The following SOX6 variants were observed in gnomAD, a reference collection of about 807,000 sequenced individuals.
SOX6 encodes the protein SRY-box transcription factor 6.
In SOX6, 11 loss-of-function variants were observed where a neutral mutation model predicts 97.8. That is an observed-to-expected ratio of 0.11 (90% CI 0.07 to 0.19). The LOEUF (loss-of-function observed/expected upper bound fraction) is 0.19. Ranked by LOEUF, SOX6 falls within the 10% of genes least tolerant of loss-of-function variation. The pLI is 1.00. For missense variants in SOX6, 810 were observed against 1,039.5 expected (o/e 0.78, Z 3.04); for synonymous variants, 360 against 371.4 (o/e 0.97, Z 0.35).
Position 16,055,889 on chromosome 11 carries a change from C to A in SOX6, c.1114G>T (p.Ala372Ser), listed in dbSNP as rs143154836. 9 of 1,613,364 alleles carry A rather than the reference C, an allele frequency of 5.6e-6. No homozygotes were observed. The highest frequency in any genetic ancestry group is 1.7e-5 in the Admixed American group (1 of 59,882). Residue 372 changes from alanine to serine, a missense_variant, in exon 10 of 16, where the codon GCT (alanine) becomes TCT (serine). By Grantham distance (99) the Ala-to-Ser change is moderately conservative (BLOSUM62 1). Around this residue, in one of 9 missense-constraint regions of SOX6, gnomAD observed 244 missense variants for 261.0 expected, o/e 0.93. Coordinates refer to ENST00000683767, the MANE Select transcript of SOX6 (RefSeq NM_001367873.1). ...GACACCTGCATGCTGGCCAGCTGAGCGGCATAGAGCTGCTGCAAAACAGGG... is the reference window on the plus strand; with the variant it reads ...GACACCTGCATGCTGGCCAGCTGAGAGGCATAGAGCTGCTGCAAAACAGGG... ...NHKQIEQLYA[A>S]QLASMQVSPG...
chr11:16,235,399 T>G (rs566809678), intron 3 of SOX6, among the ~76,000 whole-genome samples: 3 of 152,094 alleles, frequency 2.0e-5, no homozygotes, highest in Non-Finnish European at 4.4e-5. Context: ...ATCCAAACTT[T>G]AGAATGTCTT....
At chr11:16,634,685 TC>T (rs1166187349) in intron 3 of SOX6, among the ~76,000 whole-genome samples, 1 of 152,238 alleles carries the variant, frequency 6.6e-6, no homozygotes. Flanking sequence ...ATCTAACTTT[TC>T]AAATTATTTT....
At chr11:16,336,329 A>G (rs541448541) in intron 2 of SOX6, among the ~76,000 whole-genome samples, 1 of 151,686 alleles carries the variant, frequency 6.6e-6, no homozygotes, top group South Asian at 2.1e-4. Flanking sequence ...GAGCATTTCT[A>G]CTCGCTTCCC....
intron 3 of SOX6, among the ~76,000 whole-genome samples, chr11:16,619,039 A>G (rs957442829): frequency 4.6e-5 from 7 of 152,058 alleles, no homozygotes; most frequent in African/African-American, 1.4e-4. Flanking sequence ...TGTTAGTCTC[A>G]GTAAGCCAGG....
At chr11:16,186,060 A>G (rs1415892377) in intron 5 of SOX6, among the ~76,000 whole-genome samples, 1 of 152,190 alleles carries the variant, frequency 6.6e-6, no homozygotes, top group African/African-American at 2.4e-5. Flanking sequence ...CTCTTATGAG[A>G]CAAGAAAAAA....
chr11:15,993,611 C>A (rs533234070), intron 13 of SOX6, among the ~76,000 whole-genome samples: 2 of 152,268 alleles, frequency 1.3e-5, no homozygotes, highest in South Asian at 4.1e-4. Flanking sequence ...AAGCAAGGTC[C>A]CGTATGCCAG....
Position 16,627,745 on chromosome 11 carries a change from GCTGT to G in SOX6, n.430-15489_430-15486del, listed in dbSNP as rs202171518. ...GCAAATATTTTCTCCCATTCTGTGG[GCTGT>G]CTGTTTACTCTGTTGATAGTTTATT... On this transcript the variant is annotated intron_variant and non_coding_transcript_variant, in intron 3 of 5. Coordinates refer to the SOX6 transcript ENST00000524520. Among the ~76,000 whole-genome samples the G allele has an allele frequency of 5.4e-3, 815 of 152,294 alleles. 7 individuals are homozygous for G. The highest frequency in any genetic ancestry group is 0.019 in the African/African-American group (773 of 41,574).
chr11:16,106,015 T>C (rs956934777), intron 7 of SOX6, among the ~76,000 whole-genome samples: 1 of 152,142 alleles, frequency 6.6e-6, no homozygotes, highest in South Asian at 2.1e-4. Context: ...AAGACTTGTA[T>C]GTTGAAAACT....
chr11:16,125,037 T>C (rs1849575088), intron 6 of SOX6, among the ~76,000 whole-genome samples: 2 of 152,074 alleles, frequency 1.3e-5, no homozygotes, highest in Non-Finnish European at 2.9e-5. Context: ...GCTACTAGGA[T>C]GGTGCCTCCA....
chr11:16,626,661 T>C (rs976173717), intron 3 of SOX6, among the ~76,000 whole-genome samples: 1 of 152,210 alleles, frequency 6.6e-6, no homozygotes, highest in Non-Finnish European at 1.5e-5. Context: ...CCACCAACTT[T>C]TTCAGTCTGT....
At position 16,373,198 on chromosome 11, in the gene SOX6, T is replaced by C. The variant is rs575050031; in HGVS notation, c.-4-31946A>G. Among the ~76,000 whole-genome samples, 59 of 152,200 alleles carry C rather than the reference T, an allele frequency of 3.9e-4. No homozygotes were observed. In the South Asian group the frequency reaches 6.0e-3, roughly 16 times the overall value. Reference sequence around the variant, plus strand: ...CGGCAAAACTATCTCAACTTTTTGTTTCTAACATATTTTCATCCTTCACAG... The same window carrying C: ...CGGCAAAACTATCTCAACTTTTTGTCTCTAACATATTTTCATCCTTCACAG... On this transcript the variant is annotated intron_variant, in intron 1 of 15. Coordinates refer to the SOX6 transcript ENST00000396356.
chr11:16,062,176 A>G (rs564214107), intron 9 of SOX6, among the ~76,000 whole-genome samples: 3 of 151,822 alleles, frequency 2.0e-5, no homozygotes, highest in South Asian at 4.1e-4. Context: ...TGTTTGAGCC[A>G]TAACTAATGA....
intron 1 of SOX6, among the ~76,000 whole-genome samples, chr11:16,364,768 A>C (rs1857307187): frequency 6.6e-6 from 1 of 152,148 alleles, no homozygotes; most frequent in African/African-American, 2.4e-5. Flanking sequence ...TATCTTGTAA[A>C]TCCAGTTAGA....
At chr11:16,250,210 A>G (rs926269344) in intron 3 of SOX6, among the ~76,000 whole-genome samples, 2 of 152,192 alleles carry the variant, frequency 1.3e-5, no homozygotes, top group Non-Finnish European at 2.9e-5. Context: ...CAAGAGATCT[A>G]TACTGTGCTC....
intron 4 of SOX6, among the ~76,000 whole-genome samples, chr11:16,229,905 C>A (rs547042558): frequency 5.9e-5 from 9 of 151,646 alleles, no homozygotes; most frequent in Non-Finnish European, 1.3e-4. Context: ...CAACTATGAA[C>A]ACTGCTACTA....
chr11:16,069,230 C>A (rs970766786), intron 9 of SOX6, among the ~76,000 whole-genome samples: 13 of 152,108 alleles, frequency 8.5e-5, no homozygotes, highest in African/African-American at 3.1e-4. Context: ...AATCTCTTTG[C>A]TACACAGAAG....
intron 3 of SOX6, among the ~76,000 whole-genome samples, chr11:16,273,189 C>T (rs897612278): frequency 6.6e-6 from 1 of 151,620 alleles, no homozygotes; most frequent in African/African-American, 2.4e-5. Context: ...ATGTAATAAA[C>T]CTCAAAAACT....
chr11:16,631,063 G>T (rs527264012), intron 3 of SOX6, among the ~76,000 whole-genome samples: 1 of 151,358 alleles, frequency 6.6e-6, no homozygotes, highest in Non-Finnish European at 1.5e-5. Context: ...CCTTTTAAGT[G>T]GGGGGTTTAA....
At chr11:16,351,243 C>T (rs1369405574) in intron 1 of SOX6, among the ~76,000 whole-genome samples, 4 of 152,130 alleles carry the variant, frequency 2.6e-5, no homozygotes, top group South Asian at 4.1e-4. Flanking sequence ...CTGTCAGAAT[C>T]ATCAAGGTTC....
Sources: gnomAD v4.1 joint callset for allele counts (sites outside exome capture counted in the v4.1 genomes callset) on GRCh38, gnomAD v4.1.1 for gene constraint, gnomAD v4.1.1 regional missense constraint, MANE v1.5 for transcripts, NCBI Gene and HGNC (gene_info 2026-07-23, HGNC 2026-07-21) for gene names.